FBXL17: variants seen among roughly 807,000 people sequenced by gnomAD.
The protein encoded by FBXL17 is F-box/LRR-repeat protein 17.
Under a neutral mutation model 66.2 loss-of-function variants are expected in FBXL17, and 22 were observed. The observed-to-expected ratio is 0.33, with a 90% confidence interval of 0.24 to 0.47. The LOEUF is 0.47. FBXL17 is among the 20% of genes least tolerant of loss of function. The probability of loss-of-function intolerance (pLI) is 1.00; values close to 1 mark genes in which losing one functional copy is unlikely to be tolerated. For synonymous variants in FBXL17, 474 were observed against 400.5 expected (o/e 1.18, Z -2.19); for missense variants, 878 against 948.2 (o/e 0.93, Z 0.97).
At chr5:108,222,717 G>A (rs1231241221) in intron 5 of FBXL17, among the ~76,000 whole-genome samples, 8 of 130,952 alleles carry the variant, frequency 6.1e-5, no homozygotes, top group East Asian at 2.4e-4. Context: ...TCTGTCGCCC[G>A]GGCTGGAGTG....
chr5:107,946,272 T>C (rs1751280897), intron 7 of FBXL17, among the ~76,000 whole-genome samples: 1 of 44,622 alleles, frequency 2.2e-5, no homozygotes, highest in Non-Finnish European at 4.4e-5. Context: ...TATATATATA[T>C]ATATATATAT....
intron 4 of FBXL17, among the ~76,000 whole-genome samples, chr5:108,243,532 G>C (rs962007534): frequency 6.6e-6 from 1 of 152,112 alleles, no homozygotes; most frequent in African/African-American, 2.4e-5. Flanking sequence ...TGAAGAAAGA[G>C]AGAAGTTAAA....
Position 107,860,995 on chromosome 5 carries a change from A to G in FBXL17, c.*725T>C, listed in dbSNP as rs1485304988. The G allele has an allele frequency of 2.0e-5, 3 of 152,236 alleles. No homozygotes were observed. Among genetic ancestry groups the G allele is most frequent in the Non-Finnish European group, 4.4e-5 (3 of 68,044 alleles). 9.4% of individuals were successfully genotyped at this position (152,236 alleles called of 1,614,324 possible). On this transcript the variant is annotated 3_prime_UTR_variant, in exon 9 of 9. Coordinates refer to ENST00000542267, the MANE Select transcript of FBXL17 (RefSeq NM_001163315.3). ...CCAACTAAAATATTTAGTGCTCAAC[A>G]GAATGCATTTGTAGAATAATGTATA... is the stretch of plus-strand genomic sequence containing the variant.
At chr5:108,204,792 A>AT (rs1485652847) in intron 5 of FBXL17, among the ~76,000 whole-genome samples, 3 of 150,630 alleles carry the variant, frequency 2.0e-5, no homozygotes, top group African/African-American at 7.3e-5. Context: ...AACATTTTTA[A>AT]TTTTTTTACC....
At chr5:108,025,689 A>G (rs1197962492) in intron 6 of FBXL17, among the ~76,000 whole-genome samples, 1 of 138,898 alleles carries the variant, frequency 7.2e-6, no homozygotes, top group Admixed American at 7.1e-5. Flanking sequence ...ATACACACAC[A>G]CACACACACA....
At chr5:108,304,219 G>T (rs563025071) in intron 4 of FBXL17, among the ~76,000 whole-genome samples, 1 of 151,810 alleles carries the variant, frequency 6.6e-6, no homozygotes, top group East Asian at 1.9e-4. Flanking sequence ...ATCTACTACC[G>T]TATAATTCTT....
At chr5:107,904,769 T>C (rs774704276) in intron 7 of FBXL17, among the ~76,000 whole-genome samples, 54 of 152,170 alleles carry the variant, frequency 3.5e-4, no homozygotes, top group Non-Finnish European at 4.4e-4. Flanking sequence ...AAGGACCAAA[T>C]GTGTAAAATA....
rs1754811835 is a variant in FBXL17 at position 108,220,450 on chromosome 5, G to C, written c.1614+3671C>G. On this transcript the variant is annotated intron_variant, in intron 5 of 8. Transcript: ENST00000542267. ...CGTATCATAGGGATCATTGTCCTTG[G>C]TTGCCTGATACCCAGTGTCTTAAAA... is the stretch of plus-strand genomic sequence containing the variant. Among the ~76,000 whole-genome samples the C allele has an allele frequency of 4.6e-5, 7 of 152,234 alleles. No homozygotes were observed. In the South Asian group the frequency reaches 1.5e-3, roughly 32 times the overall value.
At chr5:108,292,294 T>C (rs920440298) in intron 4 of FBXL17, among the ~76,000 whole-genome samples, 2 of 152,038 alleles carry the variant, frequency 1.3e-5, no homozygotes, top group Non-Finnish European at 2.9e-5. Context: ...GCTAATTTTG[T>C]ATTTTTAGTA....
intron 6 of FBXL17, among the ~76,000 whole-genome samples, chr5:108,085,211 C>G (rs760398291): frequency 6.6e-6 from 1 of 152,206 alleles, no homozygotes; most frequent in Non-Finnish European, 1.5e-5. Flanking sequence ...ATTTTAACCA[C>G]AAGTAACAGT....
intron 6 of FBXL17, among the ~76,000 whole-genome samples, chr5:108,178,747 C>T (rs992225974): frequency 3.3e-5 from 5 of 152,158 alleles, no homozygotes; most frequent in African/African-American, 9.7e-5. Flanking sequence ...ATAAATACCA[C>T]CCCCAAGCAG....
Position 108,142,637 on chromosome 5 carries a change from T to C in FBXL17, c.1745+43480A>G, listed in dbSNP as rs547440292. On this transcript the variant is annotated intron_variant, in intron 6 of 8. Coordinates refer to ENST00000542267, the MANE Select transcript of FBXL17 (RefSeq NM_001163315.3). ...ACTTATCATTGCATTTGAAAACCAA[T>C]TGGGAATAAGGAAAACCGTAGGGGA... is the stretch of plus-strand genomic sequence containing the variant. Among the ~76,000 whole-genome samples, 138 of 152,228 alleles carry C rather than the reference T, an allele frequency of 9.1e-4. 3 individuals are homozygous for C. Among genetic ancestry groups the C allele is most frequent in the African/African-American group, 3.0e-3 (125 of 41,532 alleles).
intron 7 of FBXL17, among the ~76,000 whole-genome samples, chr5:107,898,553 T>G (rs1355400761): frequency 1.9e-4 from 29 of 152,174 alleles, no homozygotes; most frequent in Non-Finnish European, 2.6e-4. Flanking sequence ...ACATGTGCCA[T>G]GGTGGTTTGC....
chr5:108,307,943 T>C (rs1483120324), intron 4 of FBXL17, among the ~76,000 whole-genome samples: 1 of 152,134 alleles, frequency 6.6e-6, no homozygotes, highest in East Asian at 1.9e-4. Flanking sequence ...ATTTAACAAC[T>C]TCATTTAAGT....
intron 6 of FBXL17, among the ~76,000 whole-genome samples, chr5:108,141,148 C>T (rs1334289243): frequency 6.6e-6 from 1 of 152,204 alleles, no homozygotes; most frequent in Non-Finnish European, 1.5e-5. Context: ...TTGCTCCACA[C>T]ATGGTGTTCC....
chr5:108,248,983 A>G (rs1390423142), intron 4 of FBXL17, among the ~76,000 whole-genome samples: 18 of 152,280 alleles, frequency 1.2e-4, no homozygotes, highest in Admixed American at 9.2e-4. Context: ...ATCTTGAAAC[A>G]TCAGGAAGAA....
chr5:107,884,910 T>C (rs1451427817), intron 7 of FBXL17, among the ~76,000 whole-genome samples: 3 of 152,158 alleles, frequency 2.0e-5, no homozygotes, highest in Non-Finnish European at 4.4e-5. Flanking sequence ...GTAGTTGCTA[T>C]AAAATGAAAA....
intron 7 of FBXL17, among the ~76,000 whole-genome samples, chr5:107,947,216 G>A (rs1751340828): frequency 6.6e-6 from 1 of 152,204 alleles, no homozygotes; most frequent in African/African-American, 2.4e-5. Flanking sequence ...GGGCAATGGA[G>A]ACGATTTCAA....
intron 6 of FBXL17, among the ~76,000 whole-genome samples, chr5:108,093,464 C>T (rs1233931220): frequency 1.3e-5 from 2 of 152,028 alleles, no homozygotes; most frequent in Non-Finnish European, 2.9e-5. Context: ...AGCATTAAAA[C>T]GATTACTACT....
Sources: allele counts gnomAD v4.1 joint callset (sites outside exome capture counted in the v4.1 genomes callset), GRCh38; gene constraint gnomAD v4.1.1; transcripts MANE v1.5; gene names NCBI Gene and HGNC (gene_info 2026-07-23, HGNC 2026-07-21).